ADAMTS16: variants seen among roughly 807,000 people sequenced by gnomAD.
ADAMTS16 encodes ADAM metallopeptidase with thrombospondin type 1 motif 16.
A neutral mutation model predicts 145.8 loss-of-function variants in ADAMTS16; 94 were observed. The observed-to-expected ratio is 0.64, with a 90% CI of 0.55 to 0.77. The LOEUF (loss-of-function observed/expected upper bound fraction) is 0.77. Among genes scored for constraint, ADAMTS16 ranks in the 30% least tolerant of loss-of-function variants. The pLI is 0.00. For missense variants in ADAMTS16, 1,585 were observed against 1,591.5 expected (o/e 1.00, Z 0.07); for synonymous variants, 659 against 604.3 (o/e 1.09, Z -1.33).
At chr5:5,245,500 G>A (rs1159344443) in intron 17 of ADAMTS16, among the ~76,000 whole-genome samples, 1 of 152,150 alleles carries the variant, frequency 6.6e-6, no homozygotes, top group Non-Finnish European at 1.5e-5. Flanking sequence ...TCTGCATATT[G>A]TATAATTTTT....
intron 11 of ADAMTS16, among the ~76,000 whole-genome samples, chr5:5,227,230 C>T (rs1472557764): frequency 6.6e-6 from 1 of 152,202 alleles, no homozygotes; most frequent in Non-Finnish European, 1.5e-5. Flanking sequence ...ATACACTGCT[C>T]CCCTGCATCT....
chr5:5,172,862 G>C (rs1032744534), intron 3 of ADAMTS16, among the ~76,000 whole-genome samples: 5 of 152,060 alleles, frequency 3.3e-5, no homozygotes, highest in African/African-American at 7.2e-5. Flanking sequence ...CTATTTCTCT[G>C]TTAGCTCTGA....
At chr5:5,194,546 A>G (rs1398306103) in intron 8 of ADAMTS16, among the ~76,000 whole-genome samples, 2 of 152,202 alleles carry the variant, frequency 1.3e-5, no homozygotes, top group Non-Finnish European at 2.9e-5. Flanking sequence ...TGAGCAAGCA[A>G]CAGGTGAGGA....
At chr5:5,315,248 C>G (rs72726055) in intron 21 of ADAMTS16, among the ~76,000 whole-genome samples, 1 of 151,964 alleles carries the variant, frequency 6.6e-6, no homozygotes, top group Non-Finnish European at 1.5e-5. Flanking sequence ...TAATTGCCCC[C>G]GTGATTCAGT....
At position 5,319,219 on chromosome 5, in the gene ADAMTS16, G is replaced by A. The variant is rs187516194; in HGVS notation, c.*81G>A. ...CAAATGAGCTGTGCAATCTACGTCG[G>A]AATACATCCAAGGAAGAGCAAAGCC... On this transcript the variant is annotated 3_prime_UTR_variant, in exon 23 of 23. Coordinates refer to ENST00000274181, the MANE Select transcript of ADAMTS16 (RefSeq NM_139056.4). The A allele has an allele frequency of 1.9e-4, 204 of 1,046,588 alleles. 1 individual carries two copies. In the African/African-American group the frequency reaches 2.8e-3, roughly 14 times the overall value. The allele number at this position is 1,046,588 out of a possible 1,614,324, so 64.8% of individuals were successfully genotyped here.
chr5:5,177,362 G>C (rs1022757256), intron 3 of ADAMTS16, among the ~76,000 whole-genome samples: 2 of 152,150 alleles, frequency 1.3e-5, no homozygotes, highest in African/African-American at 4.8e-5. Context: ...ACTTCTTTGG[G>C]TTTAAGATGA....
At chr5:5,308,065 C>A (rs1203560085) in intron 21 of ADAMTS16, among the ~76,000 whole-genome samples, 1 of 152,210 alleles carries the variant, frequency 6.6e-6, no homozygotes, top group African/African-American at 2.4e-5. Flanking sequence ...ACACCTCCGC[C>A]TCCGGCCAGG....
intron 18 of ADAMTS16, among the ~76,000 whole-genome samples, chr5:5,289,214 C>G (rs1739211476): frequency 6.6e-6 from 1 of 151,218 alleles, no homozygotes; most frequent in South Asian, 2.1e-4. Flanking sequence ...GAAAAAAAAG[C>G]TTAGTGCCCT....
At position 5,269,172 on chromosome 5, in the gene ADAMTS16, G is replaced by A. The variant is rs1046438109; in HGVS notation, c.2789+6389G>A. On this transcript the variant is annotated intron_variant, in intron 18 of 22. Coordinates refer to ENST00000274181, the MANE Select transcript of ADAMTS16 (RefSeq NM_139056.4). This position sits in a 1 kb window ranked among gnomAD's most constrained non-coding sequence, Gnocchi z 4.3. ...TCACTGCATGGCTGATCGTCCCACC[G>A]CTCACTGCCCAGGACCCCGGAGCCC... Among the ~76,000 whole-genome samples the A allele has an allele frequency of 7.9e-5, 12 of 151,926 alleles. No homozygotes were observed. Among genetic ancestry groups the A allele is most frequent in the African/African-American group, 2.4e-4 (10 of 41,342 alleles).
At chr5:5,142,935 G>T (rs1045520849) in intron 2 of ADAMTS16, among the ~76,000 whole-genome samples, 2 of 152,090 alleles carry the variant, frequency 1.3e-5, no homozygotes, top group African/African-American at 4.8e-5. Context: ...TGGCACATCT[G>T]ACAAAAACAA....
At chr5:5,254,806 T>C (rs1021786529) in intron 17 of ADAMTS16, among the ~76,000 whole-genome samples, 1 of 152,190 alleles carries the variant, frequency 6.6e-6, no homozygotes, top group Non-Finnish European at 1.5e-5. Flanking sequence ...ATTTATTTAG[T>C]ATTTCTCACA....
chr5:5,209,405 C>G (rs995633766), intron 10 of ADAMTS16, among the ~76,000 whole-genome samples, 159 bp downstream of exon 10: 2 of 152,154 alleles, frequency 1.3e-5, no homozygotes, highest in Non-Finnish European at 2.9e-5. Context: ...ACATGTTTCA[C>G]TGGCAAAGAA....
chr5:5,174,466 C>A (rs953224170), intron 3 of ADAMTS16, among the ~76,000 whole-genome samples: 1 of 151,586 alleles, frequency 6.6e-6, no homozygotes, highest in African/African-American at 2.4e-5. Context: ...TGTTCTATAA[C>A]CTTCTTGTAC....
rs188904952 is a variant in ADAMTS16, at chr5:5,263,760, C to T, written c.2789+977C>T. Among the ~76,000 whole-genome samples the T allele has an allele frequency of 3.9e-5, 6 of 152,290 alleles. No homozygotes were observed. In the South Asian group the frequency reaches 8.3e-4, roughly 21 times the overall value. ...GTTCCATCATCCACAGCCCAATGGA[C>T]GGAGGTGTGTTCGCAGCTCAGTCAG... On this transcript the variant is annotated intron_variant, in intron 18 of 22. Transcript: ENST00000274181.
rs1227429137 is a variant in ADAMTS16, at chr5:5,317,371, T to A, written c.3412-763T>A. 1.3e-5 allele frequency among the ~76,000 whole-genome samples: 2 copies of A among 151,910 alleles called. No individual in the cohort carries two copies. Among genetic ancestry groups the A allele is most frequent in the Non-Finnish European group, 1.5e-5 (1 of 67,998 alleles). ...AATCCATGAATATCAGCTTTTTTAA[T>A]CAGTATACTTACTTACTTACTTACT... On this transcript the variant is annotated intron_variant, in intron 21 of 22. Coordinates refer to ENST00000274181, the MANE Select transcript of ADAMTS16 (RefSeq NM_139056.4). This position sits in a 1 kb window ranked among gnomAD's most constrained non-coding sequence, Gnocchi z 4.5.
chr5:5,301,362 C>T (rs1411997192), intron 18 of ADAMTS16, among the ~76,000 whole-genome samples: 3 of 152,216 alleles, frequency 2.0e-5, no homozygotes, highest in East Asian at 1.9e-4. Context: ...GGATTACAGG[C>T]GTGAGCTACC....
chr5:5,216,126 C>G (rs1736433212), intron 10 of ADAMTS16, among the ~76,000 whole-genome samples: 1 of 151,686 alleles, frequency 6.6e-6, no homozygotes, highest in South Asian at 2.1e-4. Flanking sequence ...CACTTTTTTC[C>G]ATAGTGGCTT....
intron 3 of ADAMTS16, among the ~76,000 whole-genome samples, chr5:5,148,376 C>G (rs1333896307): frequency 6.6e-6 from 1 of 152,216 alleles, no homozygotes; most frequent in Non-Finnish European, 1.5e-5. Flanking sequence ...AAAAGAAGAT[C>G]TCTTCTAGCA....
intron 3 of ADAMTS16, among the ~76,000 whole-genome samples, chr5:5,156,080 C>A (rs1013642364): frequency 6.6e-6 from 1 of 152,168 alleles, no homozygotes; most frequent in African/African-American, 2.4e-5. Flanking sequence ...GTTCTTCCAC[C>A]TTCCTTAGAC....
Sources: allele counts gnomAD v4.1 joint callset (sites outside exome capture counted in the v4.1 genomes callset), GRCh38; gene constraint gnomAD v4.1.1; non-coding constraint Gnocchi (gnomAD v3.1); transcripts MANE v1.5; gene names NCBI Gene and HGNC (gene_info 2026-07-23, HGNC 2026-07-21).